Variants in FBN2 observed in about 807,000 individuals in gnomAD.
FBN2 encodes the protein fibrillin 2, also known as fibrillin-2.
A neutral mutation model predicts 355.6 loss-of-function variants in FBN2; 105 were observed. The ratio of observed to expected loss-of-function variants is 0.30; its 90% CI spans 0.25 to 0.35. FBN2 has a LOEUF of 0.35. Among genes scored for constraint, FBN2 ranks in the 10% least tolerant of loss-of-function variants. The pLI is 1.00. For synonymous variants in FBN2, 1,350 were observed against 1,301.2 expected (o/e 1.04, Z -0.81); for missense variants, 3,280 against 3,758.7 (o/e 0.87, Z 3.33).
intron 7 of FBN2, among the ~76,000 whole-genome samples, chr5:128,415,654 C>T (rs1303686696): frequency 6.6e-6 from 1 of 152,092 alleles, no homozygotes; most frequent in African/African-American, 2.4e-5. Flanking sequence ...GTGAAAAGTG[C>T]TGCTATAAAC....
At chr5:128,392,231 A>T in intron 10 of FBN2, 76 bp from the exon 11 acceptor site, 1 of 1,265,574 alleles carries the variant, frequency 7.9e-7, no homozygotes, top group Non-Finnish European at 1.1e-6. Context: ...TTTAAAGGAC[A>T]TTTAATAGTA....
At chr5:128,274,454 G>A (rs994238274) in intron 60 of FBN2, 113 bp downstream of exon 60, 9 of 734,510 alleles carry the variant, frequency 1.2e-5, no homozygotes, top group Non-Finnish European at 2.2e-5. Context: ...AAATTATGGG[G>A]TATTGGTTAC....
chr5:128,353,261 G>A (rs1384791615), intron 20 of FBN2, among the ~76,000 whole-genome samples: 1 of 151,992 alleles, frequency 6.6e-6, no homozygotes, highest in East Asian at 1.9e-4. Context: ...TAAACCATGG[G>A]CCTATGATGG....
intron 48 of FBN2, among the ~76,000 whole-genome samples, chr5:128,296,750 A>G (rs1234888064): frequency 2.6e-5 from 4 of 152,056 alleles, no homozygotes; most frequent in Non-Finnish European, 5.9e-5. Flanking sequence ...TAGTCTTGCT[A>G]GTGGTCTATC....
chr5:128,492,412 G>T (rs1755532995), intron 5 of FBN2, among the ~76,000 whole-genome samples: 1 of 152,182 alleles, frequency 6.6e-6, no homozygotes, highest in Admixed American at 6.5e-5. Context: ...CACCTATTCT[G>T]CACAAAGAGG....
intron 4 of FBN2, among the ~76,000 whole-genome samples, chr5:128,524,728 A>G (rs141603970): frequency 1.0e-3 from 159 of 152,260 alleles, no homozygotes; most frequent in Middle Eastern, 0.01. Flanking sequence ...TGAGCTGGTA[A>G]TCTATTAGTT....
In FBN2 at chr5:128,530,656, G is replaced by C. The variant is rs1284152248; in HGVS notation, c.375C>G (p.Ser125=). The C allele has an allele frequency of 6.2e-7, 1 of 1,612,860 alleles. No homozygotes were observed. ...TGGAACAAGTACACATGTTAGGACG[G>C]GAACAAAATCCATCTCCACAACTAT... ...CRNSCGDGFC[S]RPNMCTCSSG... The change falls in exon 3 of 65, where the codon TCC becomes TCG. Residue 125 remains serine, a synonymous_variant. Coordinates refer to ENST00000262464, the MANE Select transcript of FBN2 (RefSeq NM_001999.4).
At chr5:128,351,632 A>C (rs1264802217) in intron 20 of FBN2, among the ~76,000 whole-genome samples, 2 of 152,118 alleles carry the variant, frequency 1.3e-5, no homozygotes, top group Non-Finnish European at 2.9e-5. Context: ...TATTACATAT[A>C]TGTAAATAAA....
At chr5:128,390,997 A>G (rs1166992271) in intron 11 of FBN2, among the ~76,000 whole-genome samples, 1 of 152,184 alleles carries the variant, frequency 6.6e-6, no homozygotes, top group Non-Finnish European at 1.5e-5. Flanking sequence ...AAATATTTCA[A>G]CTTTGGAAAG....
chr5:128,491,954 A>T (rs760324839), intron 5 of FBN2, among the ~76,000 whole-genome samples: 143 of 152,282 alleles, frequency 9.4e-4, no homozygotes, highest in Non-Finnish European at 1.5e-3. Context: ...TTGATCTATG[A>T]TCTATAAATT....
At position 128,366,409 on chromosome 5, in the gene FBN2, C is replaced by G; in HGVS notation, c.2270G>C (p.Ser757Thr). The change falls in exon 17 of 65, where the codon AGT (serine) becomes ACT (threonine). Residue 757 changes from serine (S) to threonine (T), a missense_variant. Ser to Thr is a moderately conservative substitution (Grantham distance 58). This residue lies in a region of FBN2 where 2,284 missense variants were observed against 2,749.5 expected (regional missense o/e 0.83). Coordinates refer to ENST00000262464, the MANE Select transcript of FBN2 (RefSeq NM_001999.4). ...ATCCACAGTGATACCTACTCCACTA[C>G]TACAAAGGCCGTGGAATTCAGCTGT... is the stretch of plus-strand genomic sequence containing the variant. ...KNSAEFHGLC[S>T]SGVGITVDGR... 6.2e-7 allele frequency: 1 copy of G among 1,605,190 alleles called. No individual in the cohort carries two copies. The highest frequency in any genetic ancestry group is 8.5e-7 in the Non-Finnish European group (1 of 1,173,204).
chr5:128,477,968 T>A (rs1038471256), intron 5 of FBN2, among the ~76,000 whole-genome samples: 25 of 152,240 alleles, frequency 1.6e-4, no homozygotes, highest in African/African-American at 6.0e-4. Context: ...CTGGCCACTT[T>A]GATATAACCT....
chr5:128,468,794 T>C (rs1754780837), intron 5 of FBN2, among the ~76,000 whole-genome samples: 1 of 152,178 alleles, frequency 6.6e-6, no homozygotes, highest in South Asian at 2.1e-4. Context: ...AAAATACAAG[T>C]TGAGAAAATT....
chr5:128,428,712 T>C (rs976456441), intron 7 of FBN2, among the ~76,000 whole-genome samples: 15 of 152,232 alleles, frequency 9.9e-5, no homozygotes, highest in Admixed American at 9.8e-4. Context: ...CTCTATAATG[T>C]AGACTTTATG....
In FBN2 at chr5:128,287,355, G is replaced by A. The variant is rs2307109; in HGVS notation, c.6833C>T (p.Thr2278Met). ...CMNTFGSYECTCPIGYALRED... is the reference protein window; with the variant it reads ...CMNTFGSYECMCPIGYALRED... ...CCTGAGGGCATAGCCAATCGGGCAC[G>A]TGCATTCATAGGACCCAAAAGTGTT... Residue 2278 changes from threonine to methionine, a missense_variant, in exon 54 of 65, where the codon ACG (threonine) becomes ATG (methionine). Around this residue, in one of 6 missense-constraint regions of FBN2, gnomAD observed 2,284 missense variants for 2,749.5 expected, o/e 0.83. Coordinates refer to ENST00000262464, the MANE Select transcript of FBN2 (RefSeq NM_001999.4). 214 of 1,613,972 alleles carry A rather than the reference G, an allele frequency of 1.3e-4. No individual in the cohort carries two copies. In the East Asian group the frequency reaches 3.9e-3, roughly 30 times the overall value.
intron 6 of FBN2, among the ~76,000 whole-genome samples, chr5:128,463,153 AT>A (rs936359061): frequency 1.3e-5 from 2 of 152,240 alleles, no homozygotes. Flanking sequence ...TATATCCACT[AT>A]ATAAATTACA....
Position 128,537,335 on chromosome 5 carries a change from C to G in FBN2, c.254+15G>C. ...CAAGCCGGAGCCCTAGGTGCGGAGC[C>G]GCTTGCCCACTTACCCTCGGAGCAC... On this transcript the variant is annotated intron_variant, in intron 1 of 64. Coordinates refer to ENST00000262464, the MANE Select transcript of FBN2 (RefSeq NM_001999.4). 1 of 1,609,368 alleles carries G rather than the reference C, an allele frequency of 6.2e-7. No individual in the cohort carries two copies. The highest frequency in any genetic ancestry group is 8.5e-7 in the Non-Finnish European group (1 of 1,179,784).
intron 5 of FBN2, among the ~76,000 whole-genome samples, chr5:128,478,102 A>T (rs1008532549): frequency 2.0e-5 from 3 of 152,224 alleles, no homozygotes; most frequent in Admixed American, 6.5e-5. Context: ...ACGGCATTAC[A>T]GCCCAAGCCA....
At chr5:128,286,676 G>C (rs770108857) in intron 55 of FBN2, 42 bp downstream of exon 55, 1 of 1,612,102 alleles carries the variant, frequency 6.2e-7, no homozygotes, top group South Asian at 1.1e-5. Flanking sequence ...GAGGCTGGGA[G>C]TGGAGGCATT....
Sources: allele counts gnomAD v4.1 joint callset (sites outside exome capture counted in the v4.1 genomes callset), GRCh38; gene constraint gnomAD v4.1.1; regional missense constraint gnomAD v4.1.1; transcripts MANE v1.5; gene names NCBI Gene and HGNC (gene_info 2026-07-23, HGNC 2026-07-21).